The following TDRD10 variants were observed in gnomAD, a reference collection of about 807,000 sequenced individuals.
TDRD10 encodes tudor domain containing 10, also known as tudor domain-containing protein 10.
In TDRD10, 40 loss-of-function variants were observed where a neutral mutation model predicts 48.0. The ratio of observed to expected loss-of-function variants is 0.83; its 90% CI spans 0.65 to 1.09. The LOEUF is 1.09. Ranked by LOEUF, TDRD10 falls within the 50% of genes least tolerant of loss-of-function variation. The probability of loss-of-function intolerance (pLI) is 0.00; values close to 1 mark genes in which losing one functional copy is unlikely to be tolerated. For synonymous variants in TDRD10, 162 were observed against 170.4 expected, an observed-to-expected ratio of 0.95 and a Z score of 0.38; for missense variants, 378 against 434.7, an observed-to-expected ratio of 0.87 and a Z score of 1.16.
chr1:154,530,306 G>T (rs1376293443), intron 6 of TDRD10, among the ~76,000 whole-genome samples: 2 of 151,914 alleles, frequency 1.3e-5, no homozygotes, highest in African/African-American at 2.4e-5. Flanking sequence ...TGAAGTGTCT[G>T]GCCTAAAAAC....
chr1:154,532,320 G>A (rs759264996), intron 6 of TDRD10, among the ~76,000 whole-genome samples: 4 of 152,204 alleles, frequency 2.6e-5, no homozygotes, highest in Non-Finnish European at 4.4e-5. Context: ...TGCACCCTCC[G>A]CAGCTGCTGG....
At chr1:154,507,148 G>T (rs1346902975) in intron 2 of TDRD10, 93 bp from the exon 3 acceptor site, 14 of 1,569,754 alleles carry the variant, frequency 8.9e-6, no homozygotes, top group Non-Finnish European at 1.1e-5. Context: ...GGGAATGGAG[G>T]TTTATGCAAG....
chr1:154,524,403 G>A (rs1386905338), intron 6 of TDRD10, among the ~76,000 whole-genome samples: 1 of 152,138 alleles, frequency 6.6e-6, no homozygotes, highest in African/African-American at 2.4e-5. Context: ...CTGGGCTTAA[G>A]TGATCTGCCC....
chr1:154,533,662 G>A (rs1245332536), intron 6 of TDRD10, among the ~76,000 whole-genome samples: 3 of 151,844 alleles, frequency 2.0e-5, no homozygotes, highest in Non-Finnish European at 4.4e-5. Flanking sequence ...TTTTAGAGCA[G>A]GGTCTTGCTC....
At chr1:154,505,215 A>G (rs1693078435) in intron 1 of TDRD10, among the ~76,000 whole-genome samples, 1 of 152,204 alleles carries the variant, frequency 6.6e-6, no homozygotes, top group East Asian at 1.9e-4. Flanking sequence ...ACGGGTTAAC[A>G]ATGTCTCCCT....
At position 154,515,389 on chromosome 1, in the gene TDRD10, C is replaced by T. The variant is rs149793513; in HGVS notation, c.142-4915C>T. ...TAAAGTGGCAAGCAGGTCTTGGCCCCCCTCCACTCAGAAGCCTCCAGTGGC... is the reference window on the plus strand; with the variant it reads ...TAAAGTGGCAAGCAGGTCTTGGCCCTCCTCCACTCAGAAGCCTCCAGTGGC... On this transcript the variant is annotated intron_variant, in intron 4 of 12. Coordinates refer to ENST00000368482, the MANE Select transcript of TDRD10 (RefSeq NM_182499.4). Among the ~76,000 whole-genome samples the T allele has an allele frequency of 5.2e-3, 788 of 152,304 alleles. 6 individuals are homozygous for T. Among genetic ancestry groups the T allele is most frequent in the Non-Finnish European group, 7.6e-3 (519 of 68,026 alleles).
At chr1:154,538,143 C>T (rs1035678066) in intron 6 of TDRD10, among the ~76,000 whole-genome samples, 1 of 152,166 alleles carries the variant, frequency 6.6e-6, no homozygotes, top group Non-Finnish European at 1.5e-5. Flanking sequence ...TCACTTAAAT[C>T]ATTAGGGAAT....
At chr1:154,539,309 T>C (rs528279534) in intron 6 of TDRD10, among the ~76,000 whole-genome samples, 7 of 152,230 alleles carry the variant, frequency 4.6e-5, no homozygotes, top group African/African-American at 1.7e-4. Flanking sequence ...TCTTTTCTTT[T>C]TTCTTTTTTT....
intron 4 of TDRD10, among the ~76,000 whole-genome samples, chr1:154,511,645 C>T (rs1000681849): frequency 6.6e-6 from 1 of 151,562 alleles, no homozygotes; most frequent in Admixed American, 6.6e-5. Context: ...GTCAGGAGTT[C>T]GAGACCAGCC....
Position 154,544,102 on chromosome 1 carries a change from G to A in TDRD10, c.643G>A (p.Val215Ile), listed in dbSNP as rs3811448. The A allele has an allele frequency of 0.2, 323,042 of 1,613,952 alleles. 33,595 individuals are homozygous for A. The highest frequency in any genetic ancestry group is 0.23 in the South Asian group (21,379 of 91,076). Residue 215 changes from valine (V) to isoleucine (I), a missense_variant, in exon 9 of 13, where the codon GTC becomes ATC. Coordinates refer to ENST00000368482, the MANE Select transcript of TDRD10 (RefSeq NM_182499.4). ...GACCCCGTTTTTCTGGGCTATGCAC[G>A]TCACTGAGGTATGGACTGGTTGTTG... ...PKTPFFWAMH[V>I]TEALHQNMQA...
Position 154,547,966 on chromosome 1 carries a change from A to G in TDRD10, c.*256A>G, listed in dbSNP as rs889269463. On this transcript the variant is annotated 3_prime_UTR_variant, in exon 13 of 13. Coordinates refer to ENST00000368482, the MANE Select transcript of TDRD10 (RefSeq NM_182499.4). ...ACATAGGAAACTACCATTAGGTTGA[A>G]AGCCTGAGGCAGCTGGGATGGTCTT... is the stretch of plus-strand genomic sequence containing the variant. 21 of 565,054 alleles carry G rather than the reference A, an allele frequency of 3.7e-5. No homozygotes were observed. The highest frequency in any genetic ancestry group is 6.6e-5 in the Admixed American group (2 of 30,362). The allele number at this position is 565,054 out of a possible 1,614,324, so 35.0% of individuals were successfully genotyped here.
chr1:154,509,643 G>A (rs1407792168), intron 4 of TDRD10, among the ~76,000 whole-genome samples: 1 of 152,148 alleles, frequency 6.6e-6, no homozygotes, highest in African/African-American at 2.4e-5. Context: ...GGACCATTAT[G>A]TTTTGTCTGA....
Position 154,508,477 on chromosome 1 carries a change from C to T in TDRD10, c.137C>T (p.Ser46Phe), listed in dbSNP as rs1693271713. Residue 46 changes from serine (S) to phenylalanine (F), a missense_variant, in exon 4 of 13, where the codon TCT becomes TTT. By Grantham distance (155) the Ser-to-Phe change is radical. Transcript: ENST00000368482. ...GTTGGCAATCTTCCACTGGATATTTCTAAGGTATTTATTCTTCACAATAGG... is the reference window on the plus strand; with the variant it reads ...GTTGGCAATCTTCCACTGGATATTTTTAAGGTATTTATTCTTCACAATAGG... ...VYVGNLPLDI[S>F]KEEILYLLKD... The T allele has an allele frequency of 1.2e-6, 2 of 1,601,994 alleles. No individual in the cohort carries two copies.
At chr1:154,530,175 C>T (rs945351802) in intron 6 of TDRD10, among the ~76,000 whole-genome samples, 4 of 151,696 alleles carry the variant, frequency 2.6e-5, no homozygotes, top group African/African-American at 7.3e-5. Context: ...CCACCATGCC[C>T]GGCTAATTTT....
rs553617912 is a variant in TDRD10 at position 154,524,153 on chromosome 1, G to A, written c.369+2674G>A. ...CCTTGATTATGGGTAAAATTTTCAG[G>A]CCCCTTTACAAATAGTTTTCTGTTT... On this transcript the variant is annotated intron_variant, in intron 6 of 12. Coordinates refer to ENST00000368482, the MANE Select transcript of TDRD10 (RefSeq NM_182499.4). 2.6e-5 allele frequency among the ~76,000 whole-genome samples: 4 copies of A among 151,966 alleles called. No individual in the cohort carries two copies. In the East Asian group the frequency reaches 7.7e-4, roughly 29 times the overall value.
chr1:154,509,585 A>T (rs1693331509), intron 4 of TDRD10, among the ~76,000 whole-genome samples: 1 of 152,218 alleles, frequency 6.6e-6, no homozygotes, highest in South Asian at 2.1e-4. Context: ...GCTTTGTGCC[A>T]AATCATGTAA....
intron 6 of TDRD10, among the ~76,000 whole-genome samples, chr1:154,524,853 C>T (rs6427716): frequency 2.0e-5 from 3 of 152,000 alleles, no homozygotes; most frequent in Non-Finnish European, 4.4e-5. Context: ...TAAGGCCTCC[C>T]GGTACTTGTC....
chr1:154,517,119 G>A (rs540114315), intron 4 of TDRD10, among the ~76,000 whole-genome samples: 10 of 152,258 alleles, frequency 6.6e-5, no homozygotes, highest in Admixed American at 5.9e-4. Flanking sequence ...CATAGGAGGG[G>A]GTCAGAGAGC....
At chr1:154,532,106 G>C (rs1402239883) in intron 6 of TDRD10, among the ~76,000 whole-genome samples, 1 of 152,236 alleles carries the variant, frequency 6.6e-6, no homozygotes, top group Non-Finnish European at 1.5e-5. Flanking sequence ...TCAGCCCTTG[G>C]GTGGTTGATA....
Sources: allele counts gnomAD v4.1 joint callset (sites outside exome capture counted in the v4.1 genomes callset), GRCh38; gene constraint gnomAD v4.1.1; transcripts MANE v1.5; gene names NCBI Gene and HGNC (gene_info 2026-07-23, HGNC 2026-07-21).